The following LTBP3 variants were observed in gnomAD, a reference collection of about 807,000 sequenced individuals.
LTBP3 encodes latent-transforming growth factor beta-binding protein 3.
A neutral mutation model predicts 159.7 loss-of-function variants in LTBP3; 97 were observed. That is an observed-to-expected ratio of 0.61 (90% confidence interval 0.52 to 0.72). LTBP3 has a LOEUF of 0.72. Among genes scored for constraint, LTBP3 ranks in the 30% least tolerant of loss-of-function variants. The pLI is 0.00. For synonymous variants in LTBP3, 824 were observed against 777.1 expected (o/e 1.06, Z -1.00); for missense variants, 1,584 against 1,864.3 (o/e 0.85, Z 2.77).
chr11:65,543,800 C>T (rs982539816), intron 16 of LTBP3: 5 of 538,224 alleles, frequency 9.3e-6, no homozygotes, highest in East Asian at 3.3e-5. Flanking sequence ...CTGCCCCAGC[C>T]GCTTTCACTG....
At position 65,539,764 on chromosome 11, in the gene LTBP3, C is replaced by A. The variant is rs1382132293; in HGVS notation, c.3503G>T (p.Arg1168Leu). Residue 1168 changes from arginine (R) to leucine (L), a missense_variant, in exon 25 of 28, where the codon CGC (arginine) becomes CTC (leucine). Coordinates refer to ENST00000301873, the MANE Select transcript of LTBP3 (RefSeq NM_001130144.3). ...CGGTCGGCATTGGGCGCCCCAGCCG[C>A]GGCCCTGGCGGCAGCAGCAGTCGTC... ...TFDDCCCRQG[R>L]GWGAQCRPCP... The A allele has an allele frequency of 3.2e-6, 5 of 1,544,128 alleles. No individual in the cohort carries two copies. Among genetic ancestry groups the A allele is most frequent in the Non-Finnish European group, 4.3e-6 (5 of 1,152,186 alleles).
Position 65,551,220 on chromosome 11 carries a change from C to G in LTBP3, c.1626G>C (p.Leu542=). The change falls in exon 11 of 28, where the codon CTG becomes CTC. Residue 542 remains leucine, a synonymous_variant. Transcript: ENST00000301873. ...TTTPARPYPE[L]ISRPSPPTMR... Reference sequence around the variant, plus strand: ...TGGTCGGGGGCGAGGGACGGGAGATCAGCTCTGCGGGCGGCAGTGCACTCT... The same window carrying G: ...TGGTCGGGGGCGAGGGACGGGAGATGAGCTCTGCGGGCGGCAGTGCACTCT... 6.5e-7 allele frequency: 1 copy of G among 1,547,084 alleles called. No homozygotes were observed. The highest frequency in any genetic ancestry group is 8.7e-7 in the Non-Finnish European group (1 of 1,147,404).
chr11:65,539,676 G>A (rs760835865), intron 25 of LTBP3, 44 bp downstream of exon 25: 2 of 1,582,638 alleles, frequency 1.3e-6, no homozygotes, highest in South Asian at 2.3e-5. Context: ...CCGGGCCCTG[G>A]CCCCCATCCT....
At chr11:65,557,559 C>A in intron 1 of LTBP3, 70 bp downstream of exon 1, 1 of 1,595,150 alleles carries the variant, frequency 6.3e-7, no homozygotes, top group East Asian at 2.2e-5. Context: ...AAGGCCAAGA[C>A]CCCACTAGCT....
In LTBP3 at chr11:65,541,211, G is replaced by C. The variant is rs755456379; in HGVS notation, c.2808C>G (p.Asn936Lys). 4 of 1,613,824 alleles carry C rather than the reference G, an allele frequency of 2.5e-6. No individual in the cohort carries two copies. Among genetic ancestry groups the C allele is most frequent in the Non-Finnish European group, 3.4e-6 (4 of 1,179,996 alleles). ...TVFCDSVLATNVTQQECCCSL... is the reference protein window; with the variant it reads ...TVFCDSVLATKVTQQECCCSL... ...AGCAGCAGCACTCCTGCTGGGTCACGTTGGTGGCCAATACGCTGTCGCAGA... is the reference window on the plus strand; with the variant it reads ...AGCAGCAGCACTCCTGCTGGGTCACCTTGGTGGCCAATACGCTGTCGCAGA... Residue 936 changes from asparagine to lysine, a missense_variant, in exon 20 of 28, where the codon AAC becomes AAG. Asn to Lys is a moderately conservative substitution (Grantham distance 94, BLOSUM62 0). Transcript: ENST00000301873.
intron 1 of LTBP3, among the ~76,000 whole-genome samples, chr11:65,555,983 G>A (rs1340222011): frequency 6.6e-6 from 1 of 152,184 alleles, no homozygotes; most frequent in Admixed American, 6.5e-5. Flanking sequence ...TGGGCGGGGG[G>A]AGGTAGGATT....
At position 65,538,584 on chromosome 11, in the gene LTBP3, TC is replaced by T; in HGVS notation, c.*495del. On this transcript the variant is annotated 3_prime_UTR_variant, in exon 28 of 28. Coordinates refer to ENST00000301873, the MANE Select transcript of LTBP3 (RefSeq NM_001130144.3). ...TGGACTGAACCGTGGCGGTGGCCCT[TC>T]CCGGCTGCGGAGAGCCCGCCCCACA... 2 of 1,605,370 alleles carry T rather than the reference TC, an allele frequency of 1.2e-6. No homozygotes were observed. The highest frequency in any genetic ancestry group is 1.7e-6 in the Non-Finnish European group (2 of 1,176,148).
Position 65,552,891 on chromosome 11 carries a change from A to G in LTBP3, c.1155T>C (p.His385=), listed in dbSNP as rs756137476. 4 of 1,613,728 alleles carry G rather than the reference A, an allele frequency of 2.5e-6. No homozygotes were observed. Among genetic ancestry groups the G allele is most frequent in the African/African-American group, 1.3e-5 (1 of 74,878 alleles). Reference sequence around the variant, plus strand: ...ACTGTGTACGGGAGGGGCCTAAACTATGGCCAGGTGGGCAGACACAGCGAT... The same window carrying G: ...ACTGTGTACGGGAGGGGCCTAAACTGTGGCCAGGTGGGCAGACACAGCGAT... The part of the protein sequence containing the change: ...GSYRCVCPPG[H]SLGPSRTQCI... Residue 385 remains histidine, a synonymous_variant, in exon 6 of 28, where the codon CAT becomes CAC. Transcript: ENST00000301873. This position sits in a 1 kb window ranked among gnomAD's most constrained non-coding sequence, Gnocchi z 6.0.
In LTBP3 at chr11:65,546,276, C is replaced by T. The variant is rs1856362547; in HGVS notation, c.2353+166G>A. On this transcript the variant is annotated intron_variant, in intron 16 of 27. Coordinates refer to ENST00000301873, the MANE Select transcript of LTBP3 (RefSeq NM_001130144.3). This position sits in a 1 kb window ranked among gnomAD's most constrained non-coding sequence, Gnocchi z 4.0. ...CCGAGACCCTTCCTACGTGGAAATTCTAGTGGTGCCTTCCTTGGCAAAGTT... is the reference window on the plus strand; with the variant it reads ...CCGAGACCCTTCCTACGTGGAAATTTTAGTGGTGCCTTCCTTGGCAAAGTT... The T allele has an allele frequency of 1.1e-6, 1 of 870,822 alleles. No homozygotes were observed. Among genetic ancestry groups the T allele is most frequent in the Non-Finnish European group, 1.7e-6 (1 of 595,766 alleles). The allele number at this position is 870,822 out of a possible 1,614,324, so 53.9% of individuals were successfully genotyped here. A position where few individuals can be genotyped will look rare whatever the true frequency, so the allele number is the denominator to read the frequency against.
chr11:65,540,825 C>A, intron 21 of LTBP3, 46 bp downstream of exon 21: 2 of 1,570,150 alleles, frequency 1.3e-6, no homozygotes, highest in Non-Finnish European at 1.7e-6. Context: ...GCGAGCCCAA[C>A]CCGGGGTGAG....
Position 65,547,680 on chromosome 11 carries a change from C to T in LTBP3, c.1978+10G>A, listed in dbSNP as rs954727728. The T allele has an allele frequency of 1.9e-6, 3 of 1,605,004 alleles. No homozygotes were observed. Among genetic ancestry groups the T allele is most frequent in the East Asian group, 4.5e-5 (2 of 44,706 alleles). On this transcript the variant is annotated intron_variant, in intron 13 of 27. Transcript: ENST00000301873. The surrounding 1 kb of genome is among the most constrained non-coding windows in gnomAD (Gnocchi z 4.6). ...CCACCCAGGGCCGCCTCCGCCCTGG[C>T]GGCGCTCACCCACGCACGAGCGCCC...
At chr11:65,548,074 A>G in intron 11 of LTBP3, 29 bp from the exon 12 acceptor site, 2 of 1,613,360 alleles carry the variant, frequency 1.2e-6, no homozygotes, top group Non-Finnish European at 1.7e-6. Context: ...CAAGCGGCAG[A>G]GCAGGGAGCG....
At position 65,540,346 on chromosome 11, in the gene LTBP3, T is replaced by C. The variant is rs1005318548; in HGVS notation, c.3143A>G (p.Asn1048Ser). 6.3e-7 allele frequency: 1 copy of C among 1,587,770 alleles called. No individual in the cohort carries two copies. Among genetic ancestry groups the C allele is most frequent in the Non-Finnish European group, 8.6e-7 (1 of 1,168,470 alleles). Residue 1048 changes from asparagine to serine, a missense_variant, in exon 23 of 28, where the codon AAC (asparagine) becomes AGC (serine). Asn to Ser is a conservative substitution (Grantham distance 46). Coordinates refer to ENST00000301873, the MANE Select transcript of LTBP3 (RefSeq NM_001130144.3). ...GCCGCGCGTGTTCTCACACACTCCGTTCCGGCAGTTGGACTCGTCCAGGCA... is the reference window on the plus strand; with the variant it reads ...GCCGCGCGTGTTCTCACACACTCCGCTCCGGCAGTTGGACTCGTCCAGGCA... ...DECLDESNCRNGVCENTRGGY... is the reference protein window; with the variant it reads ...DECLDESNCRSGVCENTRGGY...
At chr11:65,541,772 C>T (rs748024506) in intron 18 of LTBP3, 44 bp from the exon 19 acceptor site, 16 of 1,611,106 alleles carry the variant, frequency 9.9e-6, no homozygotes, top group African/African-American at 1.3e-5. Flanking sequence ...GCCCCTCTTT[C>T]CCTGGGGCTG....
intron 16 of LTBP3, 85 bp from the exon 17 acceptor site, chr11:65,543,634 G>A: frequency 6.4e-7 from 1 of 1,552,840 alleles, no homozygotes; most frequent in Non-Finnish European, 8.9e-7. Context: ...GCATGGCCTG[G>A]AGCACCAGAG....
Position 65,557,960 on chromosome 11 carries a change from C to T in LTBP3, c.-1G>A. On this transcript the variant is annotated 5_prime_UTR_variant, in exon 1 of 28. Transcript: ENST00000301873. ...CAGCAGCCCCTCGGGGCCCGGGCAT[C>T]CGGGGCCGCAGGACCCGGGGGAGGG... The T allele has an allele frequency of 8.6e-7, 1 of 1,156,972 alleles. No homozygotes were observed. The highest frequency in any genetic ancestry group is 1.1e-6 in the Non-Finnish European group (1 of 942,848). 71.7% of individuals were successfully genotyped at this position (1,156,972 alleles called of 1,614,324 possible). A position where few individuals can be genotyped will look rare whatever the true frequency, so the allele number is the denominator to read the frequency against.
In LTBP3 at chr11:65,541,181, C is replaced by T. The variant is rs1471852655; in HGVS notation, c.2838G>A (p.Leu946=). 6.2e-7 allele frequency: 1 copy of T among 1,613,442 alleles called. No individual in the cohort carries two copies. The highest frequency in any genetic ancestry group is 8.5e-7 in the Non-Finnish European group (1 of 1,179,954). The stretch of plus-strand genomic sequence containing the variant: ...CGCAGTGGTCGCCCCAGCCGGCCCC[C>T]AGAGAGCAGCAGCACTCCTGCTGGG... ...NVTQQECCCS[L]GAGWGDHCEI... Residue 946 remains leucine (L), a synonymous_variant, in exon 20 of 28, where the codon CTG becomes CTA. Transcript: ENST00000301873.
chr11:65,552,022 G>C lies in LTBP3; in HGVS notation c.1481C>G (p.Pro494Arg), dbSNP rs368007426. 2 of 1,614,034 alleles carry C rather than the reference G, an allele frequency of 1.2e-6. No individual in the cohort carries two copies. Among genetic ancestry groups the C allele is most frequent in the Non-Finnish European group, 1.7e-6 (2 of 1,179,988 alleles). ...PDGPPKPQQL[P>R]ESPSQAPPPE... ...TGGTGGAGCCTGGCTAGGGCTCTCC[G>C]GAAGCTGCTGGGGCTTGGGTGGCCC... The change falls in exon 8 of 28, where the codon CCG (proline) becomes CGG (arginine). Residue 494 changes from proline (P) to arginine (R), a missense_variant. Physicochemically the swap from Pro to Arg is moderately radical, Grantham distance 103. This residue lies in a region of LTBP3 where 565 missense variants were observed against 677.7 expected (regional missense o/e 0.83). Coordinates refer to ENST00000301873, the MANE Select transcript of LTBP3 (RefSeq NM_001130144.3). This position sits in a 1 kb window ranked among gnomAD's most constrained non-coding sequence, Gnocchi z 6.0.
chr11:65,540,177 G>T, intron 23 of LTBP3, 24 bp from the exon 24 acceptor site: 2 of 1,537,944 alleles, frequency 1.3e-6, no homozygotes, highest in East Asian at 4.9e-5. Flanking sequence ...GGGGGTGGGT[G>T]GGGGCCGTCA....
Sources: allele counts gnomAD v4.1 joint callset (sites outside exome capture counted in the v4.1 genomes callset), GRCh38; gene constraint gnomAD v4.1.1; regional missense constraint gnomAD v4.1.1; non-coding constraint Gnocchi (gnomAD v3.1); transcripts MANE v1.5; gene names NCBI Gene and HGNC (gene_info 2026-07-23, HGNC 2026-07-21).